The following AGBL3 variants were observed in gnomAD, a reference collection of about 807,000 sequenced individuals.
AGBL3 encodes cytosolic carboxypeptidase 3.
In AGBL3, 68 loss-of-function variants were observed where a neutral mutation model predicts 94.5. That is an observed-to-expected ratio of 0.72 (90% CI 0.59 to 0.88). The LOEUF (loss-of-function observed/expected upper bound fraction) is 0.88. AGBL3 is among the 40% of genes least tolerant of loss of function. The pLI is 0.00. For missense variants in AGBL3, 934 were observed against 1,103.8 expected, an observed-to-expected ratio of 0.85 and a Z score of 2.18; for synonymous variants, 354 against 370.7, an observed-to-expected ratio of 0.95 and a Z score of 0.52.
In AGBL3 at chr7:135,045,509, C is replaced by A. The variant is rs745315001; in HGVS notation, c.1663C>A (p.Leu555Met). The change falls in exon 10 of 17, where the codon CTG becomes ATG. Residue 555 changes from leucine to methionine, a missense_variant. By Grantham distance (15) the Leu-to-Met change is conservative. Coordinates refer to ENST00000436302, the MANE Select transcript of AGBL3 (RefSeq NM_178563.4). ...AGGCACTCATTTCAGCACGAAAGACCTGGAATCAATGGGATATCATTTTTG... is the reference window on the plus strand; with the variant it reads ...AGGCACTCATTTCAGCACGAAAGACATGGAATCAATGGGATATCATTTTTG... ...KRGTHFSTKD[L>M]ESMGYHFCDS... is the part of the protein sequence containing the mutation. 11 of 1,551,184 alleles carry A rather than the reference C, an allele frequency of 7.1e-6. No individual in the cohort carries two copies. The highest frequency in any genetic ancestry group is 7.8e-6 in the Non-Finnish European group (9 of 1,146,626).
At chr7:135,009,683 C>T (rs1464097228) in intron 4 of AGBL3, among the ~76,000 whole-genome samples, 1 of 152,192 alleles carries the variant, frequency 6.6e-6, no homozygotes, top group African/African-American at 2.4e-5. Flanking sequence ...TCTCTTTGAT[C>T]TTCCTTGTGA....
chr7:135,077,871 C>T (rs1314052566), intron 13 of AGBL3, among the ~76,000 whole-genome samples: 1 of 152,198 alleles, frequency 6.6e-6, no homozygotes, highest in Non-Finnish European at 1.5e-5. Context: ...TGTAGAAAGA[C>T]TGCCTTTCCC....
intron 4 of AGBL3, among the ~76,000 whole-genome samples, chr7:135,008,371 A>G (rs993082183): frequency 6.6e-6 from 1 of 152,142 alleles, no homozygotes; most frequent in Admixed American, 6.6e-5. Context: ...TGGCAAGACT[A>G]TTCAATAGGA....
At chr7:135,119,702 C>T (rs1826860991) in intron 16 of AGBL3, among the ~76,000 whole-genome samples, 2 of 151,892 alleles carry the variant, frequency 1.3e-5, no homozygotes, top group African/African-American at 4.8e-5. Flanking sequence ...ACGGTGAAAC[C>T]CCGTCTCTAC....
chr7:135,097,623 T>A (rs1823104644), intron 15 of AGBL3, among the ~76,000 whole-genome samples: 1 of 152,142 alleles, frequency 6.6e-6, no homozygotes, highest in Admixed American at 6.5e-5. Context: ...AGGGTATGAT[T>A]TGCTAGCCTG....
chr7:135,072,205 C>A (rs186420592), intron 12 of AGBL3, among the ~76,000 whole-genome samples: 91 of 152,214 alleles, frequency 6.0e-4, no homozygotes, highest in African/African-American at 2.0e-3. Flanking sequence ...AAATCAAAAC[C>A]GCAATGAGAT....
In AGBL3 at chr7:135,102,522, C is replaced by T. The variant is rs537663245; in HGVS notation, c.2111-12858C>T. Among the ~76,000 whole-genome samples, 16 of 152,160 alleles carry T rather than the reference C, an allele frequency of 1.1e-4. 2 individuals are homozygous for T. In the South Asian group the frequency reaches 2.5e-3, roughly 24 times the overall value. Reference sequence around the variant, plus strand: ...TATGCACCACACTTACTCATGTTCTCAGTATTATGTGGCTATGACAAGCCA... The same window carrying T: ...TATGCACCACACTTACTCATGTTCTTAGTATTATGTGGCTATGACAAGCCA... On this transcript the variant is annotated intron_variant, in intron 15 of 16. Coordinates refer to ENST00000436302, the MANE Select transcript of AGBL3 (RefSeq NM_178563.4).
At chr7:135,077,454 A>C (rs1182782965) in intron 13 of AGBL3, among the ~76,000 whole-genome samples, 1 of 152,144 alleles carries the variant, frequency 6.6e-6, no homozygotes, top group African/African-American at 2.4e-5. Flanking sequence ...CTCCATCCCC[A>C]GCTCATAAGC....
intron 4 of AGBL3, among the ~76,000 whole-genome samples, chr7:135,009,302 G>A (rs1340568915): frequency 6.6e-6 from 1 of 152,168 alleles, no homozygotes; most frequent in African/African-American, 2.4e-5. Context: ...CCATAAAAAT[G>A]GAATGAGGTA....
chr7:135,093,956 T>C (rs989472757), intron 15 of AGBL3: 6 of 168,800 alleles, frequency 3.6e-5, no homozygotes, highest in Non-Finnish European at 7.6e-5. Flanking sequence ...TATATTTCAA[T>C]TGATTTTTCA....
intron 12 of AGBL3, among the ~76,000 whole-genome samples, chr7:135,066,062 C>G (rs1819268501): frequency 6.6e-6 from 1 of 152,120 alleles, no homozygotes; most frequent in African/African-American, 2.4e-5. Flanking sequence ...TGACATTGAT[C>G]TTGACAATAA....
chr7:134,999,056 T>C (rs928589151), intron 4 of AGBL3, among the ~76,000 whole-genome samples: 5 of 152,230 alleles, frequency 3.3e-5, no homozygotes, highest in African/African-American at 7.2e-5. Context: ...AATTACCTTT[T>C]CCAATTCTCT....
At chr7:135,086,720 G>T (rs1563250437) in intron 15 of AGBL3, among the ~76,000 whole-genome samples, 1 of 151,900 alleles carries the variant, frequency 6.6e-6, no homozygotes, top group Non-Finnish European at 1.5e-5. Flanking sequence ...TCAATGTGCT[G>T]CTGGGTTTAG....
chr7:135,046,044 C>G, intron 11 of AGBL3, 133 bp downstream of exon 11: 1 of 653,298 alleles, frequency 1.5e-6, no homozygotes, highest in East Asian at 2.8e-5. Flanking sequence ...TCTCCCATGC[C>G]CATTATTTTG....
intron 12 of AGBL3, among the ~76,000 whole-genome samples, chr7:135,067,526 TC>T (rs770608456): frequency 5.9e-5 from 9 of 152,140 alleles, no homozygotes; most frequent in Non-Finnish European, 7.4e-5. Context: ...GGCCCGGTAC[TC>T]CTCTGAGACA....
intron 4 of AGBL3, among the ~76,000 whole-genome samples, chr7:135,009,499 G>GAA (rs1812832239): frequency 2.6e-5 from 4 of 152,056 alleles, no homozygotes; most frequent in Non-Finnish European, 4.4e-5. Flanking sequence ...GATTTTTTTT[G>GAA]ATTGTTTTTT....
intron 5 of AGBL3, among the ~76,000 whole-genome samples, chr7:135,021,330 T>C (rs1160902612): frequency 2.4e-4 from 36 of 151,518 alleles, no homozygotes; most frequent in Admixed American, 2.3e-3. Context: ...CTCGCTCTGT[T>C]ACCCAGGCTG....
intron 16 of AGBL3, among the ~76,000 whole-genome samples, chr7:135,131,575 GAACT>G (rs1450177056): frequency 6.6e-6 from 1 of 151,838 alleles, no homozygotes; most frequent in African/African-American, 2.4e-5. Context: ...GAAATTTATA[GAACT>G]AACTGCATAT....
intron 2 of AGBL3, 37 bp from the exon 3 acceptor site, chr7:134,989,213 T>C: frequency 6.7e-7 from 1 of 1,482,576 alleles, no homozygotes; most frequent in Non-Finnish European, 9.1e-7. Context: ...AAACTGTTGG[T>C]TTTTAAAAGA....
Sources: gnomAD v4.1 joint callset for allele counts (sites outside exome capture counted in the v4.1 genomes callset) on GRCh38, gnomAD v4.1.1 for gene constraint, MANE v1.5 for transcripts, NCBI Gene and HGNC (gene_info 2026-07-23, HGNC 2026-07-21) for gene names.